The following ASCC3 variants were observed in gnomAD, a reference collection of about 807,000 sequenced individuals.
ASCC3 encodes activating signal cointegrator 1 complex subunit 3.
A neutral mutation model predicts 256.3 loss-of-function variants in ASCC3; 158 were observed. The ratio of observed to expected loss-of-function variants is 0.62; its 90% CI spans 0.54 to 0.70. ASCC3 has a LOEUF of 0.70. Ranked by LOEUF, ASCC3 falls within the 30% of genes least tolerant of loss-of-function variation. The probability of loss-of-function intolerance (pLI) is 0.00; values close to 1 mark genes in which losing one functional copy is unlikely to be tolerated. For synonymous variants in ASCC3, 948 were observed against 883.4 expected, an observed-to-expected ratio of 1.07 and a Z score of -1.30; for missense variants, 2,259 against 2,626.0, an observed-to-expected ratio of 0.86 and a Z score of 3.05.
intron 30 of ASCC3, among the ~76,000 whole-genome samples, chr6:100,617,744 TAC>T (rs1302090036): frequency 6.6e-6 from 1 of 152,224 alleles, no homozygotes; most frequent in Non-Finnish European, 1.5e-5. Context: ...CCCTCTCTTC[TAC>T]AGTGTTTTAG....
At chr6:100,818,111 T>C (rs1425332834) in intron 4 of ASCC3, among the ~76,000 whole-genome samples, 1 of 152,212 alleles carries the variant, frequency 6.6e-6, no homozygotes, top group African/African-American at 2.4e-5. Context: ...AACCAACTGA[T>C]AGACTACATC....
At chr6:100,846,362 T>C (rs1772382208) in intron 4 of ASCC3, among the ~76,000 whole-genome samples, 1 of 152,212 alleles carries the variant, frequency 6.6e-6, no homozygotes, top group East Asian at 1.9e-4. Context: ...TGACAATGAT[T>C]GTCCATTTTC....
chr6:100,735,434 T>G (rs1354898413), intron 10 of ASCC3, among the ~76,000 whole-genome samples: 1 of 121,336 alleles, frequency 8.2e-6, no homozygotes, highest in Admixed American at 9.6e-5. Context: ...TTTGTTTGAT[T>G]GCTAGTGATG....
At chr6:100,847,095 T>G (rs971274722) in intron 4 of ASCC3, among the ~76,000 whole-genome samples, 2 of 152,128 alleles carry the variant, frequency 1.3e-5, no homozygotes, top group African/African-American at 4.8e-5. Context: ...GGTGAAAGAC[T>G]AAGAAATACA....
chr6:100,706,147 A>C (rs1442733804), intron 13 of ASCC3, among the ~76,000 whole-genome samples: 2 of 151,430 alleles, frequency 1.3e-5, no homozygotes, highest in Non-Finnish European at 3.0e-5. Flanking sequence ...TCAGAGTTAG[A>C]ATAATAAAAT....
intron 4 of ASCC3, among the ~76,000 whole-genome samples, chr6:100,821,659 A>G (rs1771051138): frequency 6.6e-6 from 1 of 151,940 alleles, no homozygotes. Context: ...CCCTGTCTCT[A>G]CTAAAAATAC....
chr6:100,576,882 T>C (rs943661003), intron 36 of ASCC3, among the ~76,000 whole-genome samples: 6 of 150,668 alleles, frequency 4.0e-5, no homozygotes, highest in Non-Finnish European at 7.4e-5. Context: ...TAAATAAAAA[T>C]AGCAGTCTCA....
At chr6:100,840,917 T>G (rs898143526) in intron 4 of ASCC3, among the ~76,000 whole-genome samples, 2 of 151,760 alleles carry the variant, frequency 1.3e-5, no homozygotes, top group Admixed American at 6.6e-5. Context: ...CAATAAAAAT[T>G]GAAATTTCCA....
rs1177790663 is a variant in ASCC3 at position 100,631,282 on chromosome 6, C to A, written c.4123-69G>T. 5 of 1,297,890 alleles carry A rather than the reference C, an allele frequency of 3.9e-6. No individual in the cohort carries two copies. The African/African-American group carries it at 7.3e-5, about 19-fold the overall frequency. 80.4% of individuals were successfully genotyped at this position (1,297,890 alleles called of 1,614,324 possible). ...GATAGCATTTTGAAATAAAAGTAAA[C>A]TCCAAAAAATTTGTCAAAATATGAC... is the stretch of plus-strand genomic sequence containing the variant. On this transcript the variant is annotated intron_variant, in intron 25 of 41. Coordinates refer to ENST00000369162, the MANE Select transcript of ASCC3 (RefSeq NM_006828.4).
chr6:100,778,056 C>G (rs986585048), intron 8 of ASCC3, among the ~76,000 whole-genome samples: 1 of 150,350 alleles, frequency 6.7e-6, no homozygotes, highest in Non-Finnish European at 1.5e-5. Flanking sequence ...GCTATCTCTT[C>G]GAGGTACAGC....
At chr6:100,872,184 C>T (rs1380797185) in intron 1 of ASCC3, among the ~76,000 whole-genome samples, 1 of 152,144 alleles carries the variant, frequency 6.6e-6, no homozygotes, top group African/African-American at 2.4e-5. Context: ...GTGCCTCTGG[C>T]ATGGTCTTAC....
rs1315713460 is a variant in ASCC3, at chr6:100,609,005, GC to G, written c.4786-1918del. On this transcript the variant is annotated intron_variant, in intron 30 of 41. Coordinates refer to ENST00000369162, the MANE Select transcript of ASCC3 (RefSeq NM_006828.4). ...TCTCGATCTCCTGGCCTCGTGATCC[GC>G]CCGTCTCGGCCTCCCAAAGTGCTGG... is the stretch of plus-strand genomic sequence containing the variant. Among the ~76,000 whole-genome samples the G allele has an allele frequency of 4.7e-5, 7 of 149,874 alleles. No individual in the cohort carries two copies. The East Asian group carries it at 1.0e-3, about 21-fold the overall frequency.
At chr6:100,671,562 C>G (rs756138539) in intron 14 of ASCC3, among the ~76,000 whole-genome samples, 1 of 152,004 alleles carries the variant, frequency 6.6e-6, no homozygotes. Context: ...GTTTGGTTTC[C>G]TCTGACTTAA....
chr6:100,771,125 C>T (rs1280650886), intron 8 of ASCC3, among the ~76,000 whole-genome samples: 1 of 152,004 alleles, frequency 6.6e-6, no homozygotes, highest in Non-Finnish European at 1.5e-5. Context: ...GAAATAAATC[C>T]ACACATATTT....
Position 100,805,424 on chromosome 6 carries a change from G to C in ASCC3, c.922+336C>G, listed in dbSNP as rs183117357. 3.9e-5 allele frequency among the ~76,000 whole-genome samples: 6 copies of C among 152,002 alleles called. No homozygotes were observed. In the East Asian group the frequency reaches 1.2e-3, roughly 29 times the overall value. ...CTGTCAAGAACTATGTTCATCACTT[G>C]GGTGACAGAATCCATATCCCAAACC... On this transcript the variant is annotated intron_variant, in intron 5 of 41. Coordinates refer to ENST00000369162, the MANE Select transcript of ASCC3 (RefSeq NM_006828.4).
intron 36 of ASCC3, among the ~76,000 whole-genome samples, chr6:100,573,116 C>T (rs73763523): frequency 1.4e-3 from 208 of 152,068 alleles, no homozygotes; most frequent in African/African-American, 4.8e-3. Context: ...TGTTGGCATG[C>T]TTAATTTTTC....
chr6:100,544,088 T>TA (rs200417211), intron 36 of ASCC3, among the ~76,000 whole-genome samples: 2,497 of 151,780 alleles, frequency 0.016, 59 homozygotes, highest in African/African-American at 0.057. Context: ...AAAGAAAAAA[T>TA]AAAACAGGAA....
At chr6:100,567,867 T>A (rs1335506705) in intron 36 of ASCC3, among the ~76,000 whole-genome samples, 2 of 152,152 alleles carry the variant, frequency 1.3e-5, no homozygotes, top group Non-Finnish European at 2.9e-5. Flanking sequence ...TGTGAGTGCA[T>A]GTGTCTTTTT....
At chr6:100,563,847 A>G (rs1038492772) in intron 36 of ASCC3, among the ~76,000 whole-genome samples, 1 of 152,148 alleles carries the variant, frequency 6.6e-6, no homozygotes, top group African/African-American at 2.4e-5. Flanking sequence ...ATATTAAAAT[A>G]TTATTACTAA....
Sources: allele counts gnomAD v4.1 joint callset (sites outside exome capture counted in the v4.1 genomes callset), GRCh38; gene constraint gnomAD v4.1.1; transcripts MANE v1.5; gene names NCBI Gene and HGNC (gene_info 2026-07-23, HGNC 2026-07-21).